The following GULP1 variants were observed in gnomAD, a reference collection of about 807,000 sequenced individuals.
GULP1 encodes GULP PTB domain containing engulfment adaptor 1.
A neutral mutation model predicts 40.9 loss-of-function variants in GULP1; 19 were observed. The observed-to-expected ratio is 0.46, with a 90% CI of 0.32 to 0.68. GULP1 has a LOEUF of 0.68. GULP1 is among the 30% of genes least tolerant of loss of function. The probability of loss-of-function intolerance (pLI) is 0.03; values close to 1 mark genes in which losing one functional copy is unlikely to be tolerated. For missense variants in GULP1, 312 were observed against 362.2 expected, an observed-to-expected ratio of 0.86 and a Z score of 1.12; for synonymous variants, 119 against 117.6, an observed-to-expected ratio of 1.01 and a Z score of -0.08.
chr2:188,535,737 C>T (rs1017414342), intron 6 of GULP1, among the ~76,000 whole-genome samples: 1 of 151,956 alleles, frequency 6.6e-6, no homozygotes, highest in Non-Finnish European at 1.5e-5. Context: ...TGCTGGAAAA[C>T]AGCAACTGTT....
chr2:188,439,098 T>C (rs760167072), intron 2 of GULP1, among the ~76,000 whole-genome samples: 3 of 152,146 alleles, frequency 2.0e-5, no homozygotes, highest in Non-Finnish European at 2.9e-5. Context: ...CAGGAGAGCA[T>C]ATTTCTACCA....
chr2:188,424,513 G>A (rs762884993), intron 2 of GULP1, among the ~76,000 whole-genome samples: 2 of 151,704 alleles, frequency 1.3e-5, no homozygotes, highest in Non-Finnish European at 2.9e-5. Context: ...AAATATTTCT[G>A]TGTGAATTTC....
intron 1 of GULP1, among the ~76,000 whole-genome samples, chr2:188,334,776 G>T (rs928204675): frequency 2.6e-5 from 4 of 152,184 alleles, no homozygotes; most frequent in Admixed American, 1.3e-4. Context: ...AATTAAAATT[G>T]TTTATTAGGG....
intron 1 of GULP1, among the ~76,000 whole-genome samples, chr2:188,311,321 C>T (rs1201154621): frequency 2.0e-5 from 3 of 152,074 alleles, no homozygotes; most frequent in Admixed American, 6.6e-5. Context: ...CTCAGCCTCC[C>T]GAGTAGCTGG....
chr2:188,317,152 C>T (rs2039214562), intron 1 of GULP1, among the ~76,000 whole-genome samples: 1 of 152,132 alleles, frequency 6.6e-6, no homozygotes, highest in Non-Finnish European at 1.5e-5. Context: ...TAGCCCTGCA[C>T]AATCTGGCCT....
At chr2:188,409,053 A>C (rs1367106272) in intron 2 of GULP1, among the ~76,000 whole-genome samples, 1 of 152,174 alleles carries the variant, frequency 6.6e-6, no homozygotes, top group South Asian at 2.1e-4. Context: ...AAAAAGAAGC[A>C]ACCTAAAATT....
At chr2:188,580,193 G>A (rs936413827) in intron 9 of GULP1, among the ~76,000 whole-genome samples, 4 of 152,076 alleles carry the variant, frequency 2.6e-5, no homozygotes, top group African/African-American at 7.2e-5. Context: ...AAGTTATATC[G>A]AACAAAAACA....
At chr2:188,525,135 A>G (rs942880743) in intron 5 of GULP1, among the ~76,000 whole-genome samples, 1 of 151,898 alleles carries the variant, frequency 6.6e-6, no homozygotes, top group Non-Finnish European at 1.5e-5. Context: ...TTATAAATAT[A>G]ATTATTTTTA....
chr2:188,306,431 C>T (rs925638181), intron 1 of GULP1, among the ~76,000 whole-genome samples: 2 of 152,076 alleles, frequency 1.3e-5, no homozygotes, highest in African/African-American at 4.8e-5. Context: ...AACTGTTAGA[C>T]ATTTGATCTC....
At chr2:188,337,473 A>G (rs1046910881) in intron 1 of GULP1, among the ~76,000 whole-genome samples, 1 of 149,494 alleles carries the variant, frequency 6.7e-6, no homozygotes, top group African/African-American at 2.5e-5. Flanking sequence ...ATGCAGGCAT[A>G]TGACCCAGGC....
chr2:188,449,437 C>T (rs900452933), intron 2 of GULP1, among the ~76,000 whole-genome samples: 6 of 152,250 alleles, frequency 3.9e-5, no homozygotes, highest in African/African-American at 1.4e-4. Flanking sequence ...AACCCCAATA[C>T]ATCTATTTAT....
chr2:188,368,939 GTATATATATA>G (rs56274020), intron 1 of GULP1, among the ~76,000 whole-genome samples: 10,870 of 85,924 alleles, frequency 0.13, 787 homozygotes, highest in African/African-American at 0.17. Context: ...ATATATGTGT[GTATATATATA>G]TATATATATA....
At chr2:188,496,606 C>T (rs2062920218) in intron 4 of GULP1, among the ~76,000 whole-genome samples, 1 of 151,740 alleles carries the variant, frequency 6.6e-6, no homozygotes, top group Non-Finnish European at 1.5e-5. Context: ...AAAATTTAAG[C>T]AATGAACTTA....
intron 1 of GULP1, among the ~76,000 whole-genome samples, chr2:188,380,500 G>C (rs2048876209): frequency 6.6e-6 from 1 of 152,082 alleles, no homozygotes; most frequent in African/African-American, 2.4e-5. Context: ...TTTCAGGTGT[G>C]AGCAATCAGT....
chr2:188,556,740 A>T (rs1694854477), intron 7 of GULP1, among the ~76,000 whole-genome samples: 3 of 152,138 alleles, frequency 2.0e-5, no homozygotes, highest in African/African-American at 7.2e-5. Context: ...CTCATTAGAA[A>T]TCTACTACCA....
intron 2 of GULP1, among the ~76,000 whole-genome samples, chr2:188,428,355 GAGA>G (rs1030941677): frequency 6.6e-5 from 10 of 152,142 alleles, no homozygotes; most frequent in African/African-American, 2.4e-4. Context: ...TTTGCAATGT[GAGA>G]AGAAGATGAG....
At chr2:188,553,470 A>C (rs1216390092) in intron 7 of GULP1, among the ~76,000 whole-genome samples, 2 of 151,784 alleles carry the variant, frequency 1.3e-5, no homozygotes, top group Non-Finnish European at 2.9e-5. Flanking sequence ...ACCTTTACTG[A>C]TTTGTATATG....
intron 9 of GULP1, among the ~76,000 whole-genome samples, chr2:188,578,936 G>A (rs949949119): frequency 5.9e-5 from 9 of 152,074 alleles, no homozygotes; most frequent in Non-Finnish European, 1.2e-4. Flanking sequence ...AAAAAAGACT[G>A]GTTCCAGAAC....
chr2:188,474,759 G>T (rs1459889254), intron 2 of GULP1, among the ~76,000 whole-genome samples: 1 of 152,060 alleles, frequency 6.6e-6, no homozygotes, highest in Non-Finnish European at 1.5e-5. Context: ...TGATGTCTTT[G>T]TTGGGGAGAC....
Sources: gnomAD v4.1 joint callset for allele counts (sites outside exome capture counted in the v4.1 genomes callset) on GRCh38, gnomAD v4.1.1 for gene constraint, MANE v1.5 for transcripts, NCBI Gene and HGNC (gene_info 2026-07-23, HGNC 2026-07-21) for gene names.